The following SMC6 variants were observed in gnomAD, a reference collection of about 807,000 sequenced individuals.
SMC6 encodes structural maintenance of chromosomes 6.
In SMC6, 79 loss-of-function variants were observed where a neutral mutation model predicts 142.2. That is an observed-to-expected ratio of 0.56 (90% CI 0.46 to 0.67). The LOEUF (loss-of-function observed/expected upper bound fraction) is 0.67, where lower values mean the gene tolerates loss of function less well. SMC6 is among the 30% of genes least tolerant of loss of function. The pLI is 0.00. For missense variants in SMC6, 1,072 were observed against 1,284.0 expected (o/e 0.83, Z 2.52); for synonymous variants, 411 against 412.4 (o/e 1.00, Z 0.04).
At chr2:17,721,727 C>CT (rs1669383126) in intron 9 of SMC6, among the ~76,000 whole-genome samples, 2 of 148,372 alleles carry the variant, frequency 1.3e-5, no homozygotes, top group African/African-American at 2.5e-5. Flanking sequence ...GACAGAGTCT[C>CT]ACTCTGTTAC....
chr2:17,742,736 A>G (rs1035088333), intron 3 of SMC6, among the ~76,000 whole-genome samples: 1 of 152,194 alleles, frequency 6.6e-6, no homozygotes, highest in Non-Finnish European at 1.5e-5. Context: ...GAATTTTTAA[A>G]ATATTTTTAT....
chr2:17,672,517 A>G (rs1666807915), intron 25 of SMC6, among the ~76,000 whole-genome samples: 3 of 152,122 alleles, frequency 2.0e-5, no homozygotes, highest in African/African-American at 7.2e-5. Context: ...CACCTGGGTA[A>G]CCACTACTGA....
At chr2:17,744,163 C>T (rs1449169128) in intron 3 of SMC6, among the ~76,000 whole-genome samples, 1 of 152,124 alleles carries the variant, frequency 6.6e-6, no homozygotes, top group South Asian at 2.1e-4. Flanking sequence ...AAAGTGTGTT[C>T]CAAAGTGGCT....
At chr2:17,678,371 GCTTT>G (rs1477868840) in intron 25 of SMC6, among the ~76,000 whole-genome samples, 3 of 152,098 alleles carry the variant, frequency 2.0e-5, no homozygotes, top group Non-Finnish European at 2.9e-5. Context: ...TACGCTAGCA[GCTTT>G]ATTTAGTAAG....
At chr2:17,735,820 G>C (rs1381069525) in intron 5 of SMC6, among the ~76,000 whole-genome samples, 1 of 152,174 alleles carries the variant, frequency 6.6e-6, no homozygotes, top group African/African-American at 2.4e-5. Flanking sequence ...TCTTCTAACA[G>C]TATTAGGCAA....
chr2:17,702,082 G>A (rs1348183828), intron 19 of SMC6, among the ~76,000 whole-genome samples, 173 bp from the exon 20 acceptor site: 3 of 152,144 alleles, frequency 2.0e-5, no homozygotes, highest in Non-Finnish European at 2.9e-5. Context: ...TATAAATTCT[G>A]CCATATCATT....
At chr2:17,687,137 T>C (rs556754963) in intron 23 of SMC6, among the ~76,000 whole-genome samples, 12 of 152,198 alleles carry the variant, frequency 7.9e-5, no homozygotes, top group Non-Finnish European at 1.6e-4. Flanking sequence ...TAGAGAAGGT[T>C]TGAAAATATC....
At chr2:17,685,182 T>C (rs1434567547) in intron 23 of SMC6, among the ~76,000 whole-genome samples, 1 of 149,630 alleles carries the variant, frequency 6.7e-6, no homozygotes, top group East Asian at 1.9e-4. Flanking sequence ...GATATAGATA[T>C]TCAACATAAC....
rs202223349 is a variant in SMC6 at position 17,726,599 on chromosome 2, C to G, written c.544-130G>C. 1.3e-4 allele frequency: 80 copies of G among 605,854 alleles called. No homozygotes were observed. In the East Asian group the frequency reaches 2.2e-3, roughly 16 times the overall value. The allele number at this position is 605,854 out of a possible 1,614,324, so 37.5% of individuals were successfully genotyped here. On this transcript the variant is annotated intron_variant, in intron 7 of 27. Coordinates refer to ENST00000448223, the MANE Select transcript of SMC6 (RefSeq NM_001142286.2). ...GCCAAGCAATAGCCAAAGGTTATAA[C>G]GTTAGGATAAAAATACTAAAAAAAA... is the stretch of plus-strand genomic sequence containing the variant.
At chr2:17,738,959 GT>G (rs1356701270) in intron 4 of SMC6, among the ~76,000 whole-genome samples, 2 of 151,968 alleles carry the variant, frequency 1.3e-5, no homozygotes, top group African/African-American at 4.8e-5. Context: ...AGAAACCACT[GT>G]TAACATCCCT....
chr2:17,706,871 C>T (rs552570229), intron 18 of SMC6, among the ~76,000 whole-genome samples: 3 of 152,114 alleles, frequency 2.0e-5, no homozygotes, highest in Non-Finnish European at 4.4e-5. Context: ...TCTGCTGTAT[C>T]CTCTCTGAGA....
chr2:17,750,256 G>T (rs1226019220), intron 2 of SMC6, among the ~76,000 whole-genome samples: 3 of 152,110 alleles, frequency 2.0e-5, no homozygotes, highest in African/African-American at 7.2e-5. Flanking sequence ...CAAAAGCAGT[G>T]GTAATATCAG....
intron 21 of SMC6, among the ~76,000 whole-genome samples, chr2:17,697,164 C>T (rs1045994369): frequency 6.6e-6 from 1 of 151,946 alleles, no homozygotes; most frequent in Non-Finnish European, 1.5e-5. Context: ...GTAAGGACTT[C>T]CAGTCTCATG....
intron 4 of SMC6, among the ~76,000 whole-genome samples, chr2:17,740,480 A>AT (rs2125069475): frequency 6.6e-6 from 1 of 152,184 alleles, no homozygotes; most frequent in East Asian, 1.9e-4. Flanking sequence ...TGCCTTCTGT[A>AT]TTTTTCCCCT....
intron 2 of SMC6, among the ~76,000 whole-genome samples, chr2:17,749,055 A>G (rs1055863315): frequency 2.6e-5 from 4 of 152,216 alleles, no homozygotes; most frequent in Non-Finnish European, 4.4e-5. Context: ...CCTACCTTTT[A>G]AAATAGGAAT....
In SMC6 at chr2:17,665,248, T is replaced by C. The variant is rs1453326942; in HGVS notation, c.*251A>G. ...AAAAAGAACCTATAAAAATAGATCG[T>C]ATTAAAAAAACTTAAAAAGATTTAA... On this transcript the variant is annotated 3_prime_UTR_variant, in exon 28 of 28. Coordinates refer to ENST00000448223, the MANE Select transcript of SMC6 (RefSeq NM_001142286.2). 1 of 265,742 alleles carries C rather than the reference T, an allele frequency of 3.8e-6. No individual in the cohort carries two copies. Among genetic ancestry groups the C allele is most frequent in the African/African-American group, 2.2e-5 (1 of 45,298 alleles). The allele number at this position is 265,742 out of a possible 1,614,324, so 16.5% of individuals were successfully genotyped here. A position where few individuals can be genotyped will look rare whatever the true frequency, so the allele number is the denominator to read the frequency against.
chr2:17,674,994 C>T (rs903334390), intron 25 of SMC6, among the ~76,000 whole-genome samples: 2 of 152,042 alleles, frequency 1.3e-5, no homozygotes, highest in South Asian at 4.1e-4. Flanking sequence ...TAATTTAGTG[C>T]ACTTACACTT....
intron 23 of SMC6, among the ~76,000 whole-genome samples, chr2:17,684,832 T>C (rs1445000673): frequency 6.6e-6 from 1 of 151,198 alleles, no homozygotes; most frequent in Non-Finnish European, 1.5e-5. Flanking sequence ...TCTTAAAGAA[T>C]AAAAACAAAC....
chr2:17,731,661 A>C, intron 6 of SMC6, 80 bp downstream of exon 6: 1 of 1,366,404 alleles, frequency 7.3e-7, no homozygotes, highest in Non-Finnish European at 1.0e-6. Flanking sequence ...AAGATAGTTC[A>C]ATCAATACCA....
Sources: allele counts gnomAD v4.1 joint callset (sites outside exome capture counted in the v4.1 genomes callset), GRCh38; gene constraint gnomAD v4.1.1; transcripts MANE v1.5; gene names NCBI Gene and HGNC (gene_info 2026-07-23, HGNC 2026-07-21).